The following PFDN4 variants were observed in gnomAD, a reference collection of about 807,000 sequenced individuals.
PFDN4 encodes prefoldin 4.
A neutral mutation model predicts 17.6 loss-of-function variants in PFDN4; 6 were observed. The ratio of observed to expected loss-of-function variants is 0.34; its 90% CI spans 0.19 to 0.67. PFDN4 has a LOEUF of 0.67. PFDN4 is among the 30% of genes least tolerant of loss of function. The probability of loss-of-function intolerance (pLI) is 0.68; values close to 1 mark genes in which losing one functional copy is unlikely to be tolerated. For missense variants in PFDN4, 119 were observed against 158.4 expected, an observed-to-expected ratio of 0.75 and a Z score of 1.33; for synonymous variants, 48 against 51.1, an observed-to-expected ratio of 0.94 and a Z score of 0.26.
chr20:54,210,751 C>T (rs1225392169), intron 1 of PFDN4, among the ~76,000 whole-genome samples: 3 of 152,238 alleles, frequency 2.0e-5, no homozygotes, highest in African/African-American at 7.2e-5. Context: ...TTTTCATCAT[C>T]ACGTTTGTCA....
intron 3 of PFDN4, among the ~76,000 whole-genome samples, chr20:54,217,156 A>C (rs1001975196): frequency 2.6e-5 from 4 of 152,184 alleles, no homozygotes; most frequent in African/African-American, 9.7e-5. Context: ...ATATGAGGAT[A>C]GAGGTGGCTT....
intron 1 of PFDN4, chr20:54,208,662 G>GC (rs11483554): frequency 0.45 from 67,939 of 152,304 alleles, 15,757 homozygotes; most frequent in African/African-American, 0.56. Context: ...AGGCCCCAGA[G>GC]ACCCTGTGTC....
At position 54,208,139 on chromosome 20, in the gene PFDN4, C is replaced by T. The variant is rs377296812; in HGVS notation, c.24+15C>T. Reference sequence around the variant, plus strand: ...TGAAGAAGGCGGTGAGTGGGGAGCTCGGGGCTCTGGATGCTCGGGCGGCGC... The same window carrying T: ...TGAAGAAGGCGGTGAGTGGGGAGCTTGGGGCTCTGGATGCTCGGGCGGCGC... On this transcript the variant is annotated intron_variant, in intron 1 of 3. Coordinates refer to ENST00000371419, the MANE Select transcript of PFDN4 (RefSeq NM_002623.4). 17 of 1,548,384 alleles carry T rather than the reference C, an allele frequency of 1.1e-5. No individual in the cohort carries two copies. The African/African-American group carries it at 1.8e-4, about 16-fold the overall frequency.
chr20:54,209,546 A>T lies in PFDN4; in HGVS notation c.24+1422A>T, dbSNP rs139178260. Among the ~76,000 whole-genome samples the T allele has an allele frequency of 3.0e-3, 451 of 152,336 alleles. 1 individual carries two copies. Among genetic ancestry groups the T allele is most frequent in the African/African-American group, 0.011 (441 of 41,576 alleles). ...TAGGGCCATGGTGATTCAAAAAAGT[A>T]TGAAACTTTGTGAGATTCACTTCAC... On this transcript the variant is annotated intron_variant, in intron 1 of 3. Coordinates refer to ENST00000371419, the MANE Select transcript of PFDN4 (RefSeq NM_002623.4).
At chr20:54,213,051 G>A (rs2092758103) in intron 1 of PFDN4, among the ~76,000 whole-genome samples, 1 of 152,218 alleles carries the variant, frequency 6.6e-6, no homozygotes, top group Non-Finnish European at 1.5e-5. Context: ...GCTCTGTATT[G>A]CTTGACACTG....
At chr20:54,210,378 A>C (rs934816033) in intron 1 of PFDN4, among the ~76,000 whole-genome samples, 1 of 152,244 alleles carries the variant, frequency 6.6e-6, no homozygotes, top group Non-Finnish European at 1.5e-5. Flanking sequence ...CTTTGCCCTC[A>C]CTAGGAGAAA....
chr20:54,214,470 AATT>A lies in PFDN4; in HGVS notation c.132+17_132+19del. Reference sequence around the variant, plus strand: ...TAGAAGTAAAAAAGGTATTGAAAATAATTATTAGAAGAATAAAATTTTTTTATA... The same window carrying A: ...TAGAAGTAAAAAAGGTATTGAAAATAATTAGAAGAATAAAATTTTTTTATA... On this transcript the variant is annotated intron_variant, in intron 2 of 3. Transcript: ENST00000371419. 1 of 1,284,258 alleles carries A rather than the reference AATT, an allele frequency of 7.8e-7. No homozygotes were observed. Among genetic ancestry groups the A allele is most frequent in the South Asian group, 1.3e-5 (1 of 74,420 alleles). The allele number at this position is 1,284,258 out of a possible 1,614,324, so 79.6% of individuals were successfully genotyped here.
chr20:54,211,277 T>A (rs2092755459), intron 1 of PFDN4, among the ~76,000 whole-genome samples: 1 of 152,192 alleles, frequency 6.6e-6, no homozygotes, highest in Non-Finnish European at 1.5e-5. Context: ...CTGAGTATGG[T>A]TCAGTTTCCT....
Position 54,210,579 on chromosome 20 carries a change from C to G in PFDN4, c.24+2455C>G, listed in dbSNP as rs552682106. 5.9e-5 allele frequency among the ~76,000 whole-genome samples: 9 copies of G among 152,290 alleles called. 1 individual carries two copies. Among genetic ancestry groups the G allele is most frequent in the Admixed American group, 5.9e-4 (9 of 15,294 alleles). ...CCTCTCCTCTCTAGAGTTCTGCCTT[C>G]TAAGATCCAGTTCTTGACCATAAGG... On this transcript the variant is annotated intron_variant, in intron 1 of 3. Transcript: ENST00000371419.
chr20:54,214,005 T>A (rs6013929), intron 1 of PFDN4, among the ~76,000 whole-genome samples: 1 of 152,222 alleles, frequency 6.6e-6, no homozygotes. Flanking sequence ...ACTTTTTGTT[T>A]CCTGGGTCAT....
intron 2 of PFDN4, 70 bp from the exon 3 acceptor site, chr20:54,215,230 A>G (rs887223514): frequency 6.0e-6 from 7 of 1,174,244 alleles, no homozygotes; most frequent in Non-Finnish European, 7.3e-6. Context: ...GCTGTCCCCA[A>G]ATTACAATTG....
At chr20:54,216,275 C>T (rs905649319) in intron 3 of PFDN4, among the ~76,000 whole-genome samples, 2 of 152,166 alleles carry the variant, frequency 1.3e-5, no homozygotes, top group Non-Finnish European at 2.9e-5. Flanking sequence ...GGGACAGCCA[C>T]GTTGTTTGTC....
At chr20:54,210,577 T>C (rs1243459142) in intron 1 of PFDN4, among the ~76,000 whole-genome samples, 2 of 152,232 alleles carry the variant, frequency 1.3e-5, no homozygotes, top group Admixed American at 1.3e-4. Context: ...GAGTTCTGCC[T>C]TCTAAGATCC....
At position 54,210,867 on chromosome 20, in the gene PFDN4, A is replaced by C. The variant is rs995929913; in HGVS notation, c.24+2743A>C. On this transcript the variant is annotated intron_variant, in intron 1 of 3. Transcript: ENST00000371419. Reference sequence around the variant, plus strand: ...AGTGGGATAGTGGCTCTCTTGTCACAGTGCATGGCGTATAGGAAACAGTAA... The same window carrying C: ...AGTGGGATAGTGGCTCTCTTGTCACCGTGCATGGCGTATAGGAAACAGTAA... 9.8e-5 allele frequency among the ~76,000 whole-genome samples: 15 copies of C among 152,322 alleles called. No individual in the cohort carries two copies. In the South Asian group the frequency reaches 2.7e-3, roughly 27 times the overall value.
At chr20:54,213,980 A>G (rs7270114) in intron 1 of PFDN4, among the ~76,000 whole-genome samples, 55,809 of 151,920 alleles carry the variant, frequency 0.37, 10,591 homozygotes, top group Non-Finnish European at 0.41. Flanking sequence ...ATTTACCAAT[A>G]TATTTGACCA....
Position 54,219,427 on chromosome 20 carries a change from ATTAT to A in PFDN4, c.*281_*284del. 2.8e-6 allele frequency: 1 copy of A among 363,068 alleles called. No individual in the cohort carries two copies. The highest frequency in any genetic ancestry group is 4.8e-6 in the Non-Finnish European group (1 of 208,276). 22.5% of individuals were successfully genotyped at this position (363,068 alleles called of 1,614,324 possible). ...GTTAAGCAATCTTTTATGTTTCTAT[ATTAT>A]TTAGAATATTTGTTGTTGCAATTTT... On this transcript the variant is annotated 3_prime_UTR_variant, in exon 4 of 4. Transcript: ENST00000371419.
At chr20:54,217,536 C>T (rs1204049493) in intron 3 of PFDN4, among the ~76,000 whole-genome samples, 5 of 152,120 alleles carry the variant, frequency 3.3e-5, no homozygotes, top group Non-Finnish European at 7.4e-5. Flanking sequence ...ACAGCCTCTG[C>T]CATAATTACT....
intron 1 of PFDN4, chr20:54,208,846 T>C (rs1191833341): frequency 6.6e-6 from 1 of 152,196 alleles, no homozygotes. Context: ...TAGAGAAACT[T>C]AGACACAGAG....
chr20:54,219,886 T>C lies in PFDN4; in HGVS notation c.*736T>C, dbSNP rs775307754. 1.8e-5 allele frequency: 7 copies of C among 394,064 alleles called. No homozygotes were observed. Among genetic ancestry groups the C allele is most frequent in the Non-Finnish European group, 2.7e-5 (6 of 223,678 alleles). The allele number at this position is 394,064 out of a possible 1,614,324, so 24.4% of individuals were successfully genotyped here. On this transcript the variant is annotated 3_prime_UTR_variant, in exon 4 of 4. Coordinates refer to ENST00000371419, the MANE Select transcript of PFDN4 (RefSeq NM_002623.4). ...ATTGGGGTTTATATTGATAAAGATGTGGAAGTTAAACAGCTATGTATGTAA... is the reference window on the plus strand; with the variant it reads ...ATTGGGGTTTATATTGATAAAGATGCGGAAGTTAAACAGCTATGTATGTAA...
Sources: allele counts gnomAD v4.1 joint callset (sites outside exome capture counted in the v4.1 genomes callset), GRCh38; gene constraint gnomAD v4.1.1; transcripts MANE v1.5; gene names NCBI Gene and HGNC (gene_info 2026-07-23, HGNC 2026-07-21).